Variants in DGKI observed in about 807,000 individuals in gnomAD.
DGKI encodes the protein DAG kinase iota.
A neutral mutation model predicts 147.5 loss-of-function variants in DGKI; 55 were observed. The ratio of observed to expected loss-of-function variants is 0.37; its 90% confidence interval spans 0.30 to 0.47. The LOEUF is 0.47. Ranked by LOEUF, DGKI falls within the 20% of genes least tolerant of loss-of-function variation. DGKI has a pLI of 1.00. For missense variants in DGKI, 1,007 were observed against 1,323.8 expected, an observed-to-expected ratio of 0.76 and a Z score of 3.71; for synonymous variants, 469 against 477.1, an observed-to-expected ratio of 0.98 and a Z score of 0.22.
Position 137,407,761 on chromosome 7 carries a change from G to A in DGKI, c.2920+114C>T, listed in dbSNP as rs1435725707. ...CAGGGGCAGAGTCTGCTAAAAGTTCGAGAGTATTTCTGCCATTCTGAAAAC... is the reference window on the plus strand; with the variant it reads ...CAGGGGCAGAGTCTGCTAAAAGTTCAAGAGTATTTCTGCCATTCTGAAAAC... On this transcript the variant is annotated intron_variant, in intron 30 of 32. Transcript: ENST00000614521. 8 of 1,384,472 alleles carry A rather than the reference G, an allele frequency of 5.8e-6. No individual in the cohort carries two copies. In the East Asian group the frequency reaches 6.9e-5, roughly 12 times the overall value. The allele number at this position is 1,384,472 out of a possible 1,614,324, so 85.8% of individuals were successfully genotyped here.
intron 1 of DGKI, among the ~76,000 whole-genome samples, chr7:137,792,371 T>C (rs1281467313): frequency 6.6e-6 from 1 of 152,190 alleles, no homozygotes; most frequent in African/African-American, 2.4e-5. Context: ...ATTTCATTCC[T>C]ACATTGAGAG....
intron 10 of DGKI, among the ~76,000 whole-genome samples, chr7:137,607,076 A>G (rs182976398): frequency 6.6e-6 from 1 of 152,310 alleles, no homozygotes; most frequent in Non-Finnish European, 1.5e-5. Flanking sequence ...GCCTCGAAGG[A>G]TGAACAAGAA....
chr7:137,604,758 A>C (rs10246705), intron 10 of DGKI, among the ~76,000 whole-genome samples: 6,705 of 152,222 alleles, frequency 0.044, 482 homozygotes, highest in African/African-American at 0.15. Flanking sequence ...CTGGAAGAGA[A>C]AGTCATGAGA....
intron 1 of DGKI, among the ~76,000 whole-genome samples, chr7:137,735,406 C>T (rs1481306426): frequency 6.6e-6 from 1 of 152,018 alleles, no homozygotes; most frequent in African/African-American, 2.4e-5. Context: ...ACTTATCCCC[C>T]AAGAGTCAAA....
intron 28 of DGKI, among the ~76,000 whole-genome samples, chr7:137,412,745 C>A (rs1253044176): frequency 6.6e-6 from 1 of 152,006 alleles, no homozygotes; most frequent in Non-Finnish European, 1.5e-5. Flanking sequence ...TAGATAAATA[C>A]CTATTGCTAT....
rs1239407430 is a variant in DGKI, at chr7:137,799,612, A to T, written c.401+46850T>A. Among the ~76,000 whole-genome samples the T allele has an allele frequency of 2.6e-5, 4 of 152,196 alleles. No homozygotes were observed. The East Asian group carries it at 7.7e-4, about 29-fold the overall frequency. On this transcript the variant is annotated intron_variant, in intron 1 of 32. Coordinates refer to ENST00000614521, the MANE Select transcript of DGKI (RefSeq NM_001321708.2). ...TACTCTTTTAAAAGTGATTATTTTG[A>T]TATTATGGTTCATCCATTTTGGGCT...
At chr7:137,845,617 G>A (rs1239692675) in intron 1 of DGKI, among the ~76,000 whole-genome samples, 1 of 152,158 alleles carries the variant, frequency 6.6e-6, no homozygotes, top group Non-Finnish European at 1.5e-5. Flanking sequence ...GAAGGGAGGG[G>A]TGAGAGAGAC....
chr7:137,765,244 C>G lies in DGKI; in HGVS notation c.402-75242G>C, dbSNP rs995623367. 3.3e-5 allele frequency among the ~76,000 whole-genome samples: 5 copies of G among 152,190 alleles called. No homozygotes were observed. The South Asian group carries it at 8.3e-4, about 25-fold the overall frequency. ...TCAAATAAAACTTCAGTGTCTTTCT[C>G]TACCAGAACTACTGCCAGTAGATTT... is the stretch of plus-strand genomic sequence containing the variant. On this transcript the variant is annotated intron_variant, in intron 1 of 32. Coordinates refer to ENST00000614521, the MANE Select transcript of DGKI (RefSeq NM_001321708.2).
chr7:137,739,162 G>C (rs2116698914), intron 1 of DGKI, among the ~76,000 whole-genome samples: 1 of 152,244 alleles, frequency 6.6e-6, no homozygotes, highest in South Asian at 2.1e-4. Context: ...GTCTCAGCAT[G>C]GATCTACATC....
Position 137,383,252 on chromosome 7 carries a change from T to C in DGKI, c.*7968A>G, listed in dbSNP as rs1476614876. On this transcript the variant is annotated 3_prime_UTR_variant, in exon 33 of 33. Transcript: ENST00000614521. ...ATTGCTAGCCAATTTCCAAATCTCC[T>C]AAATTGGCTAACAATTGGCAAAAAT... The C allele has an allele frequency of 2.6e-5, 4 of 151,544 alleles. No homozygotes were observed. Among genetic ancestry groups the C allele is most frequent in the African/African-American group, 4.8e-5 (2 of 41,322 alleles). 9.4% of individuals were successfully genotyped at this position (151,544 alleles called of 1,614,324 possible).
At chr7:137,770,979 A>T (rs182247149) in intron 1 of DGKI, among the ~76,000 whole-genome samples, 30 of 152,348 alleles carry the variant, frequency 2.0e-4, no homozygotes, top group Admixed American at 9.1e-4. Flanking sequence ...TGAATGAGTA[A>T]ATAAGGAGTG....
chr7:137,733,812 G>A (rs900866083), intron 1 of DGKI, among the ~76,000 whole-genome samples: 10 of 152,078 alleles, frequency 6.6e-5, no homozygotes, highest in African/African-American at 1.2e-4. Context: ...AGACCTCATC[G>A]AAAGGGTGGC....
intron 30 of DGKI, among the ~76,000 whole-genome samples, chr7:137,404,341 T>C (rs1811863412): frequency 6.6e-6 from 1 of 152,116 alleles, no homozygotes; most frequent in African/African-American, 2.4e-5. Flanking sequence ...TATTTCTGAA[T>C]AAATAAAAAA....
chr7:137,571,692 C>A (rs1818798605), intron 18 of DGKI, among the ~76,000 whole-genome samples: 1 of 151,614 alleles, frequency 6.6e-6, no homozygotes, highest in African/African-American at 2.4e-5. Context: ...AATACATAAG[C>A]AAAATAAGAG....
chr7:137,436,063 C>T (rs554717192), intron 28 of DGKI, among the ~76,000 whole-genome samples: 1 of 152,348 alleles, frequency 6.6e-6, no homozygotes, highest in Admixed American at 6.5e-5. Context: ...GTGTAGGCCA[C>T]AGCACCCAGC....
At chr7:137,515,336 G>A (rs188859561) in intron 21 of DGKI, among the ~76,000 whole-genome samples, 1 of 152,226 alleles carries the variant, frequency 6.6e-6, no homozygotes, top group East Asian at 1.9e-4. Context: ...AAGTTCCAGG[G>A]CAAGCACTTT....
chr7:137,784,748 A>C (rs1405294352), intron 1 of DGKI, among the ~76,000 whole-genome samples: 4 of 152,122 alleles, frequency 2.6e-5, no homozygotes, highest in African/African-American at 9.7e-5. Context: ...CAGTAAATTT[A>C]AGAAAATAGA....
chr7:137,413,164 G>A (rs1812225797), intron 28 of DGKI, among the ~76,000 whole-genome samples: 4 of 151,590 alleles, frequency 2.6e-5, no homozygotes, highest in Admixed American at 2.6e-4. Context: ...CTACTCGGGA[G>A]GCTGAGGCAG....
At chr7:137,483,041 C>T (rs1481372638) in intron 23 of DGKI, among the ~76,000 whole-genome samples, 2 of 152,026 alleles carry the variant, frequency 1.3e-5, no homozygotes, top group Non-Finnish European at 2.9e-5. Flanking sequence ...CAAAATAATG[C>T]AGCAATATTT....
Sources: allele counts gnomAD v4.1 joint callset (sites outside exome capture counted in the v4.1 genomes callset), GRCh38; gene constraint gnomAD v4.1.1; transcripts MANE v1.5; gene names NCBI Gene and HGNC (gene_info 2026-07-23, HGNC 2026-07-21).